SLC17A6: variants seen among roughly 807,000 people sequenced by gnomAD.
SLC17A6 encodes vesicular glutamate transporter 2.
In SLC17A6, 35 loss-of-function variants were observed where a neutral mutation model predicts 67.1. The observed-to-expected ratio is 0.52, with a 90% confidence interval of 0.40 to 0.69. The LOEUF is 0.69. Among genes scored for constraint, SLC17A6 ranks in the 30% least tolerant of loss-of-function variants. SLC17A6 has a pLI of 0.00. For missense variants in SLC17A6, 588 were observed against 723.9 expected, an observed-to-expected ratio of 0.81 and a Z score of 2.15; for synonymous variants, 285 against 252.3, an observed-to-expected ratio of 1.13 and a Z score of -1.23.
At chr11:22,371,447 C>G (rs1856174146) in intron 8 of SLC17A6, among the ~76,000 whole-genome samples, 1 of 151,930 alleles carries the variant, frequency 6.6e-6, no homozygotes, top group African/African-American at 2.4e-5. Flanking sequence ...CTGCTTTAGA[C>G]AGAGCTCTTC....
chr11:22,377,869 A>T lies in SLC17A6; in HGVS notation c.*129A>T. 1.4e-6 allele frequency: 1 copy of T among 738,600 alleles called. No individual in the cohort carries two copies. The highest frequency in any genetic ancestry group is 2.2e-6 in the Non-Finnish European group (1 of 463,198). 45.8% of individuals were successfully genotyped at this position (738,600 alleles called of 1,614,324 possible). A position where few individuals can be genotyped will look rare whatever the true frequency, so the allele number is the denominator to read the frequency against. On this transcript the variant is annotated 3_prime_UTR_variant, in exon 12 of 12. Transcript: ENST00000263160. ...AGGCAAGTCTTGCTGTAAAAATGAAAACAAAACAAACCCATGAGGTTACCA... is the reference window on the plus strand; with the variant it reads ...AGGCAAGTCTTGCTGTAAAAATGAATACAAAACAAACCCATGAGGTTACCA...
At chr11:22,341,988 A>G (rs1164155374) in intron 2 of SLC17A6, among the ~76,000 whole-genome samples, 1 of 152,162 alleles carries the variant, frequency 6.6e-6, no homozygotes, top group Non-Finnish European at 1.5e-5. Context: ...CCCTTCCTCA[A>G]CTGCAAAGTG....
At chr11:22,361,073 A>C in intron 5 of SLC17A6, 89 bp downstream of exon 5, 1 of 1,039,792 alleles carries the variant, frequency 9.6e-7, no homozygotes, top group Non-Finnish European at 1.4e-6. Flanking sequence ...CTCACCTGTA[A>C]AACCATCTGG....
intron 5 of SLC17A6, among the ~76,000 whole-genome samples, chr11:22,361,946 C>T (rs577909729): frequency 3.3e-5 from 5 of 152,160 alleles, no homozygotes; most frequent in African/African-American, 1.2e-4. Context: ...AGTATTATTG[C>T]CTGTAGCATT....
At chr11:22,363,013 A>T (rs1235514359) in intron 6 of SLC17A6, among the ~76,000 whole-genome samples, 188 bp downstream of exon 6, 1 of 152,156 alleles carries the variant, frequency 6.6e-6, no homozygotes, top group Non-Finnish European at 1.5e-5. Flanking sequence ...TTTTTCTTAG[A>T]TTGCTATTTC....
At chr11:22,359,108 A>G (rs1856020610) in intron 3 of SLC17A6, among the ~76,000 whole-genome samples, 2 of 152,196 alleles carry the variant, frequency 1.3e-5, no homozygotes, top group South Asian at 2.1e-4. Flanking sequence ...AGTCCAAAAC[A>G]TATATTGATT....
At chr11:22,363,739 T>C (rs1222168614) in intron 6 of SLC17A6, among the ~76,000 whole-genome samples, 3 of 152,192 alleles carry the variant, frequency 2.0e-5, no homozygotes, top group Non-Finnish European at 2.9e-5. Context: ...TTTGGATCCA[T>C]GAATGCCCTA....
chr11:22,344,021 G>A (rs1358942531), intron 3 of SLC17A6, among the ~76,000 whole-genome samples: 1 of 152,106 alleles, frequency 6.6e-6, no homozygotes, highest in African/African-American at 2.4e-5. Flanking sequence ...ACGGCACCTG[G>A]AGAGACACCC....
At chr11:22,371,267 T>C (rs187208234) in intron 8 of SLC17A6, among the ~76,000 whole-genome samples, 657 of 152,226 alleles carry the variant, frequency 4.3e-3, no homozygotes, top group Non-Finnish European at 7.7e-3. Flanking sequence ...TCTCTCTTCA[T>C]GTCATTACAT....
At chr11:22,365,877 T>G (rs1012677974) in intron 7 of SLC17A6, among the ~76,000 whole-genome samples, 188 bp downstream of exon 7, 3 of 152,208 alleles carry the variant, frequency 2.0e-5, no homozygotes, top group African/African-American at 7.2e-5. Flanking sequence ...TCATTTATTT[T>G]TTTCCTTTAT....
At chr11:22,356,186 A>G (rs1006987361) in intron 3 of SLC17A6, among the ~76,000 whole-genome samples, 1 of 152,208 alleles carries the variant, frequency 6.6e-6, no homozygotes, top group African/African-American at 2.4e-5. Context: ...ATGAGTCAAT[A>G]CAAATGGAGA....
chr11:22,361,048 T>TG (rs1221545674), intron 5 of SLC17A6, 64 bp downstream of exon 5: 6 of 1,446,618 alleles, frequency 4.1e-6, no homozygotes, highest in Admixed American at 3.7e-5. Context: ...GAATAAGAAT[T>TG]GAAAATTTGG....
intron 5 of SLC17A6, 24 bp downstream of exon 5, chr11:22,361,008 C>G (rs755276829): frequency 1.3e-6 from 2 of 1,592,794 alleles, no homozygotes; most frequent in Middle Eastern, 1.7e-4. Context: ...GCAGATGCAG[C>G]TATGGTGGCT....
At chr11:22,373,595 C>T (rs1590395129) in intron 8 of SLC17A6, among the ~76,000 whole-genome samples, 4 of 152,118 alleles carry the variant, frequency 2.6e-5, no homozygotes, top group Admixed American at 2.6e-4. Context: ...TTTTCCTTCT[C>T]ATGGCAGTGG....
Position 22,338,608 on chromosome 11 carries a change from C to A in SLC17A6, c.75C>A (p.Gly25=). 6.2e-7 allele frequency: 1 copy of A among 1,612,630 alleles called. No individual in the cohort carries two copies. The highest frequency in any genetic ancestry group is 2.2e-5 in the East Asian group (1 of 44,848). ...AGAATTTTGCTGGAAAATCACTCGGCCAGATCTACAGGTAAGACAAAGCGA... is the reference window on the plus strand; with the variant it reads ...AGAATTTTGCTGGAAAATCACTCGGACAGATCTACAGGTAAGACAAAGCGA... ...GLKNFAGKSL[G]QIYRVLEKKQ... The change falls in exon 1 of 12, where the codon GGC becomes GGA. Residue 25 remains glycine (G), a synonymous_variant. Transcript: ENST00000263160.
chr11:22,363,772 C>T (rs947272306), intron 6 of SLC17A6, among the ~76,000 whole-genome samples: 23 of 151,894 alleles, frequency 1.5e-4, no homozygotes, highest in Middle Eastern at 3.4e-3. Flanking sequence ...TATAGGTATT[C>T]GTGAACATTT....
intron 9 of SLC17A6, 43 bp downstream of exon 9, chr11:22,374,930 C>A: frequency 1.9e-6 from 3 of 1,564,830 alleles, no homozygotes; most frequent in South Asian, 1.2e-5. Flanking sequence ...TTAGTTCAAT[C>A]AGTTTAACCT....
chr11:22,370,191 A>G lies in SLC17A6; in HGVS notation c.1041+3A>G. On this transcript the variant is annotated splice_donor_region_variant and intron_variant, in intron 8 of 11. Transcript: ENST00000263160. ...TCTTTGGATTTGAAATTAGCAAGGT[A>G]TGTAAAATGTATTCTTATATAAATT... 1.9e-6 allele frequency: 3 copies of G among 1,596,864 alleles called. No homozygotes were observed. The highest frequency in any genetic ancestry group is 1.7e-6 in the Non-Finnish European group (2 of 1,173,926).
At chr11:22,362,231 T>C (rs1044926695) in intron 5 of SLC17A6, 10 of 475,402 alleles carry the variant, frequency 2.1e-5, no homozygotes, top group Non-Finnish European at 4.1e-5. Context: ...TGACATCTTC[T>C]GGCCATGCTT....
Sources: gnomAD v4.1 joint callset for allele counts (sites outside exome capture counted in the v4.1 genomes callset) on GRCh38, gnomAD v4.1.1 for gene constraint, MANE v1.5 for transcripts, NCBI Gene and HGNC (gene_info 2026-07-23, HGNC 2026-07-21) for gene names.